NKAIN2: variants seen among roughly 807,000 people sequenced by gnomAD.
NKAIN2 encodes sodium/potassium-transporting ATPase subunit beta-1-interacting protein 2.
NKAIN2 carries 14 observed loss-of-function variants against 32.6 expected under a neutral mutation model. The observed-to-expected ratio is 0.43, with a 90% CI of 0.28 to 0.67. The LOEUF is 0.67. Among genes scored for constraint, NKAIN2 ranks in the 30% least tolerant of loss-of-function variants. The pLI is 0.17. For synonymous variants in NKAIN2, 80 were observed against 87.2 expected (o/e 0.92, Z 0.46); for missense variants, 198 against 258.3 (o/e 0.77, Z 1.60).
At chr6:124,209,313 A>G (rs802235) in intron 1 of NKAIN2, among the ~76,000 whole-genome samples, 86,561 of 151,578 alleles carry the variant, frequency 0.57, 27,512 homozygotes, top group South Asian at 0.72. Flanking sequence ...ATTCCTTTTT[A>G]TGGCTGAATA....
intron 1 of NKAIN2, among the ~76,000 whole-genome samples, chr6:124,271,226 A>C (rs939201219): frequency 6.7e-6 from 1 of 150,030 alleles, no homozygotes; most frequent in Non-Finnish European, 1.5e-5. Flanking sequence ...CTCCTTTCTT[A>C]TTTTTTTTTG....
At chr6:124,687,410 GAATA>G (rs1773991623) in intron 4 of NKAIN2, among the ~76,000 whole-genome samples, 4 of 85,194 alleles carry the variant, frequency 4.7e-5, no homozygotes, top group African/African-American at 1.8e-4. Flanking sequence ...TGTATGTATG[GAATA>G]TATATATTCC....
At chr6:123,849,108 C>T (rs554252110) in intron 1 of NKAIN2, among the ~76,000 whole-genome samples, 2 of 152,280 alleles carry the variant, frequency 1.3e-5, no homozygotes, top group South Asian at 2.1e-4. Context: ...GTACTTGCTC[C>T]GGGAATCCTA....
At chr6:123,931,583 A>G (rs1776255031) in intron 1 of NKAIN2, among the ~76,000 whole-genome samples, 1 of 152,104 alleles carries the variant, frequency 6.6e-6, no homozygotes, top group African/African-American at 2.4e-5. Context: ...CAGATGAGTA[A>G]TATTGGATAA....
chr6:124,097,401 TA>T (rs35090835), intron 1 of NKAIN2, among the ~76,000 whole-genome samples: 101,182 of 132,376 alleles, frequency 0.76, 38,685 homozygotes, highest in South Asian at 0.87. Context: ...GACTTCGTCT[TA>T]AAAAAAAAAA....
chr6:124,091,661 A>AT (rs138522988), intron 1 of NKAIN2, among the ~76,000 whole-genome samples: 23 of 149,712 alleles, frequency 1.5e-4, no homozygotes, highest in Admixed American at 9.4e-4. Context: ...TCAAAGCATT[A>AT]TTTTTTTTTT....
intron 4 of NKAIN2, among the ~76,000 whole-genome samples, chr6:124,715,002 G>A (rs1286490067): frequency 6.6e-6 from 1 of 152,160 alleles, no homozygotes; most frequent in Non-Finnish European, 1.5e-5. Context: ...TTCAGAGAGT[G>A]CTGAGCACCC....
chr6:123,822,036 A>C (rs1773945863), intron 1 of NKAIN2, among the ~76,000 whole-genome samples: 2 of 152,200 alleles, frequency 1.3e-5, no homozygotes, highest in Non-Finnish European at 2.9e-5. Flanking sequence ...AACATAAATT[A>C]ACTCTTTCAA....
chr6:124,641,312 A>G (rs1482779325), intron 3 of NKAIN2, among the ~76,000 whole-genome samples: 1 of 152,156 alleles, frequency 6.6e-6, no homozygotes, highest in African/African-American at 2.4e-5. Context: ...CCAATGACAG[A>G]CAACATAAAA....
intron 1 of NKAIN2, among the ~76,000 whole-genome samples, chr6:123,963,833 C>G (rs1777959512): frequency 6.6e-6 from 1 of 152,088 alleles, no homozygotes; most frequent in Non-Finnish European, 1.5e-5. Context: ...CATTTTTAGA[C>G]AGGTTAAATT....
intron 4 of NKAIN2, among the ~76,000 whole-genome samples, chr6:124,760,418 T>TA (rs201825300): frequency 0.011 from 1,290 of 117,568 alleles, 7 homozygotes; most frequent in African/African-American, 0.025. Flanking sequence ...ACATAAAAGT[T>TA]AAAAAAAAAA....
rs546880897 is a variant in NKAIN2, at chr6:124,626,291, C to T, written c.274-31895C>T. On this transcript the variant is annotated intron_variant, in intron 3 of 6. Coordinates refer to ENST00000368417, the MANE Select transcript of NKAIN2 (RefSeq NM_001040214.3). Reference sequence around the variant, plus strand: ...GGGGCCAGATTCCCAAAGTCCTATTCAAACAGCTTTTTCCTGCATTTGTGG... The same window carrying T: ...GGGGCCAGATTCCCAAAGTCCTATTTAAACAGCTTTTTCCTGCATTTGTGG... 2.0e-3 allele frequency among the ~76,000 whole-genome samples: 311 copies of T among 152,008 alleles called. 1 individual carries two copies. The highest frequency in any genetic ancestry group is 9.6e-4 in the Non-Finnish European group (65 of 67,984).
intron 3 of NKAIN2, among the ~76,000 whole-genome samples, chr6:124,401,045 G>C (rs572368915): frequency 4.5e-4 from 68 of 152,114 alleles, no homozygotes; most frequent in African/African-American, 1.6e-3. Flanking sequence ...ACAATGCATT[G>C]GTCTGTTATT....
intron 1 of NKAIN2, among the ~76,000 whole-genome samples, chr6:123,929,688 C>T (rs977290509): frequency 6.6e-6 from 1 of 151,996 alleles, no homozygotes; most frequent in Non-Finnish European, 1.5e-5. Context: ...CACCATAATA[C>T]GTAGAGCAAA....
At chr6:124,764,868 C>CAAA (rs113450871) in intron 4 of NKAIN2, among the ~76,000 whole-genome samples, 1 of 149,248 alleles carries the variant, frequency 6.7e-6, no homozygotes, top group African/African-American at 2.5e-5. Context: ...AATGTTAATG[C>CAAA]AAAAAAAAAC....
chr6:124,180,555 CT>C (rs1339323069), intron 1 of NKAIN2, among the ~76,000 whole-genome samples: 3 of 152,140 alleles, frequency 2.0e-5, no homozygotes, highest in Non-Finnish European at 4.4e-5. Context: ...CATTCCACCC[CT>C]GGCCCCTCTC....
At chr6:124,555,386 C>T (rs751053578) in intron 3 of NKAIN2, among the ~76,000 whole-genome samples, 2 of 152,186 alleles carry the variant, frequency 1.3e-5, no homozygotes, top group Admixed American at 1.3e-4. Flanking sequence ...CTTTATCCCC[C>T]GTTCCCCAAT....
At chr6:124,780,220 A>G (rs1779196943) in intron 4 of NKAIN2, among the ~76,000 whole-genome samples, 1 of 152,122 alleles carries the variant, frequency 6.6e-6, no homozygotes, top group African/African-American at 2.4e-5. Flanking sequence ...GCCAAGAAGG[A>G]ACTTTCGGGG....
intron 4 of NKAIN2, among the ~76,000 whole-genome samples, chr6:124,755,995 C>T (rs1777949005): frequency 6.6e-6 from 1 of 151,916 alleles, no homozygotes; most frequent in African/African-American, 2.4e-5. Context: ...TAGTACCTAA[C>T]CCAATGTCTG....
Sources: gnomAD v4.1 joint callset for allele counts (sites outside exome capture counted in the v4.1 genomes callset) on GRCh38, gnomAD v4.1.1 for gene constraint, MANE v1.5 for transcripts, NCBI Gene and HGNC (gene_info 2026-07-23, HGNC 2026-07-21) for gene names.